The following KIRREL3 variants were observed in gnomAD, a reference collection of about 807,000 sequenced individuals.
KIRREL3 encodes the protein kirre like nephrin family adhesion molecule 3, also known as kin of IRRE-like protein 3.
A neutral mutation model predicts 89.7 loss-of-function variants in KIRREL3; 36 were observed. The observed-to-expected ratio is 0.40, with a 90% CI of 0.31 to 0.53. The LOEUF is 0.53. Ranked by LOEUF, KIRREL3 falls within the 20% of genes least tolerant of loss-of-function variation. The pLI is 0.49. For synonymous variants in KIRREL3, 445 were observed against 441.4 expected (o/e 1.01, Z -0.10); for missense variants, 864 against 1,056.6 (o/e 0.82, Z 2.53).
Position 126,918,230 on chromosome 11 carries a change from T to C in KIRREL3, c.55+82225A>G, listed in dbSNP as rs1304257149. On this transcript the variant is annotated intron_variant, in intron 1 of 16. Coordinates refer to ENST00000525144, the MANE Select transcript of KIRREL3 (RefSeq NM_032531.4). This position sits in a 1 kb window ranked among gnomAD's most constrained non-coding sequence, Gnocchi z 6.5. ...ATGGTGCTTCCCTCCCATGTGTGTGTCCATTTGGGCCTCAGCAACATCCCC... is the reference window on the plus strand; with the variant it reads ...ATGGTGCTTCCCTCCCATGTGTGTGCCCATTTGGGCCTCAGCAACATCCCC... Among the ~76,000 whole-genome samples the C allele has an allele frequency of 6.6e-6, 1 of 152,164 alleles. No individual in the cohort carries two copies. Among genetic ancestry groups the C allele is most frequent in the Non-Finnish European group, 1.5e-5 (1 of 68,024 alleles).
intron 7 of KIRREL3, among the ~76,000 whole-genome samples, chr11:126,451,458 ATG>A (rs957287079): frequency 1.7e-4 from 20 of 114,756 alleles, no homozygotes; most frequent in Non-Finnish European, 2.8e-4. Flanking sequence ...GTGCATGCGC[ATG>A]TGTGGGCATG....
intron 1 of KIRREL3, among the ~76,000 whole-genome samples, chr11:126,856,207 A>T (rs1229514234): frequency 2.6e-5 from 4 of 152,164 alleles, no homozygotes; most frequent in African/African-American, 9.7e-5. Context: ...ATTAAGCCAC[A>T]GTATCCACCA....
chr11:126,503,697 T>C (rs970747213), intron 4 of KIRREL3, among the ~76,000 whole-genome samples: 2 of 151,932 alleles, frequency 1.3e-5, no homozygotes, highest in African/African-American at 2.4e-5. Context: ...TACTGGGAGG[T>C]AATTAAGCTC....
intron 4 of KIRREL3, among the ~76,000 whole-genome samples, chr11:126,503,971 T>C (rs1367453598): frequency 6.6e-6 from 1 of 152,204 alleles, no homozygotes; most frequent in African/African-American, 2.4e-5. Context: ...ACCCAGTCTA[T>C]AGTATTTGTT....
At chr11:126,478,977 T>G (rs1957154368) in intron 4 of KIRREL3, among the ~76,000 whole-genome samples, 1 of 152,102 alleles carries the variant, frequency 6.6e-6, no homozygotes, top group Non-Finnish European at 1.5e-5. Flanking sequence ...GAGGGGGGCT[T>G]GGTGCTGGGA....
At chr11:126,426,039 T>C (rs1298066827) in intron 15 of KIRREL3, among the ~76,000 whole-genome samples, 1 of 152,224 alleles carries the variant, frequency 6.6e-6, no homozygotes, top group Non-Finnish European at 1.5e-5. Context: ...TTCAATTCCA[T>C]TGACTGAACG....
chr11:126,549,512 C>T (rs1179997320), intron 2 of KIRREL3: 1 of 152,180 alleles, frequency 6.6e-6, no homozygotes, highest in East Asian at 1.9e-4. Context: ...CAGCGCACGG[C>T]TCTAAAAACT....
intron 1 of KIRREL3, among the ~76,000 whole-genome samples, chr11:126,964,319 A>C (rs1949196148): frequency 6.6e-6 from 1 of 152,170 alleles, no homozygotes; most frequent in Non-Finnish European, 1.5e-5. Context: ...ATTGGTGTCC[A>C]CTGTCTGACA....
At chr11:126,482,005 A>G (rs1160622397) in intron 4 of KIRREL3, among the ~76,000 whole-genome samples, 1 of 152,168 alleles carries the variant, frequency 6.6e-6, no homozygotes, top group Non-Finnish European at 1.5e-5. Flanking sequence ...GTTGGAGTAA[A>G]TCGCTTTTCC....
chr11:126,564,019 T>C lies in KIRREL3; in HGVS notation c.56-1107A>G, dbSNP rs565961634. ...CCTTGTAGCATAGAAGTCTTACAAA[T>C]GTGTCAGCTGCCACAAACTTGGTAA... On this transcript the variant is annotated intron_variant, in intron 1 of 16. Coordinates refer to ENST00000525144, the MANE Select transcript of KIRREL3 (RefSeq NM_032531.4). The surrounding 1 kb of genome is among the most constrained non-coding windows in gnomAD (Gnocchi z 7.4). Among the ~76,000 whole-genome samples the C allele has an allele frequency of 2.6e-5, 4 of 152,340 alleles. No homozygotes were observed. In the South Asian group the frequency reaches 8.3e-4, roughly 32 times the overall value.
intron 1 of KIRREL3, among the ~76,000 whole-genome samples, chr11:126,657,516 C>A (rs1945204499): frequency 6.6e-6 from 1 of 152,170 alleles, no homozygotes; most frequent in Non-Finnish European, 1.5e-5. Flanking sequence ...CAGAGTGGGA[C>A]AAGCTGTTTA....
chr11:126,478,970 G>C (rs1420712578), intron 4 of KIRREL3, among the ~76,000 whole-genome samples: 2 of 152,180 alleles, frequency 1.3e-5, no homozygotes, highest in Non-Finnish European at 2.9e-5. Flanking sequence ...CCTGGCTGAG[G>C]GGGGCTTGGT....
chr11:126,662,116 A>G (rs1476066264), intron 1 of KIRREL3, among the ~76,000 whole-genome samples: 1 of 152,200 alleles, frequency 6.6e-6, no homozygotes, highest in African/African-American at 2.4e-5. Context: ...AAATGTGCTC[A>G]GTCTACCTCA....
rs1565485941 is a variant in KIRREL3 at position 126,994,445 on chromosome 11, G to T, written c.55+6010C>A. Among the ~76,000 whole-genome samples, 1 of 152,212 alleles carries T rather than the reference G, an allele frequency of 6.6e-6. No individual in the cohort carries two copies. The highest frequency in any genetic ancestry group is 2.1e-4 in the South Asian group (1 of 4,836). On this transcript the variant is annotated intron_variant, in intron 1 of 16. Transcript: ENST00000525144. The surrounding 1 kb of genome is among the most constrained non-coding windows in gnomAD (Gnocchi z 5.2). ...ATGGCTTTAACTTGTTACCAAGTAT[G>T]CCAAGGAATAGCTGACATTTATTTA... is the stretch of plus-strand genomic sequence containing the variant.
chr11:126,967,546 A>C (rs1368359348), intron 1 of KIRREL3, among the ~76,000 whole-genome samples: 3 of 152,138 alleles, frequency 2.0e-5, no homozygotes, highest in African/African-American at 7.2e-5. Flanking sequence ...TGATCTTCAC[A>C]GTAACCCCGA....
intron 1 of KIRREL3, among the ~76,000 whole-genome samples, chr11:126,923,154 T>C (rs56098176): frequency 0.11 from 2,602 of 23,606 alleles, 526 homozygotes; most frequent in Middle Eastern, 0.33. Context: ...TTCTTCTTCT[T>C]CTTCTTCTTC....
rs916739907 is a variant in KIRREL3 at position 126,997,736 on chromosome 11, C to A, written c.55+2719G>T. On this transcript the variant is annotated intron_variant, in intron 1 of 16. Transcript: ENST00000525144. This position sits in a 1 kb window ranked among gnomAD's most constrained non-coding sequence, Gnocchi z 4.3. ...CACTGCTTGGAGCACTCTCTCTGCA[C>A]GGGGACCAAGATACTGGGAGCATGG... Among the ~76,000 whole-genome samples, 1 of 152,154 alleles carries A rather than the reference C, an allele frequency of 6.6e-6. No homozygotes were observed. Among genetic ancestry groups the A allele is most frequent in the East Asian group, 1.9e-4 (1 of 5,200 alleles).
intron 1 of KIRREL3, among the ~76,000 whole-genome samples, chr11:126,913,622 G>A (rs532395648): frequency 2.6e-5 from 4 of 152,180 alleles, no homozygotes; most frequent in African/African-American, 4.8e-5. Flanking sequence ...TTCATCAAGC[G>A]GTACCTAACT....
chr11:126,521,676 ATGTGTGTGTGTGTGTGTGTGTG>A lies in KIRREL3; in HGVS notation c.284-234_284-213del, dbSNP rs55838363. On this transcript the variant is annotated intron_variant, in intron 3 of 16. Coordinates refer to ENST00000525144, the MANE Select transcript of KIRREL3 (RefSeq NM_032531.4). The surrounding 1 kb of genome is among the most constrained non-coding windows in gnomAD (Gnocchi z 4.1). ...GTTGGTTCTCTCTCTCTCTCTCTGT[ATGTGTGTGTGTGTGTGTGTGTG>A]TGTGTGTGTGTGTGTGTGTGTGTGT... Among the ~76,000 whole-genome samples, 1,257 of 143,586 alleles carry A rather than the reference ATGTGTGTGTGTGTGTGTGTGTG, an allele frequency of 8.8e-3. 17 individuals are homozygous for A. Among genetic ancestry groups the A allele is most frequent in the Middle Eastern group, 0.038 (11 of 288 alleles). 94.2% of individuals were successfully genotyped at this position (143,586 alleles called of 152,430 possible). A position where few individuals can be genotyped will look rare whatever the true frequency, so the allele number is the denominator to read the frequency against.
Sources: allele counts gnomAD v4.1 joint callset (sites outside exome capture counted in the v4.1 genomes callset), GRCh38; gene constraint gnomAD v4.1.1; non-coding constraint Gnocchi (gnomAD v3.1); transcripts MANE v1.5; gene names NCBI Gene and HGNC (gene_info 2026-07-23, HGNC 2026-07-21).